The following CDH20 variants were observed in gnomAD, a reference collection of about 807,000 sequenced individuals.
CDH20 encodes cadherin-20.
Under a neutral mutation model 74.2 loss-of-function variants are expected in CDH20, and 29 were observed. The observed-to-expected ratio is 0.39, with a 90% CI of 0.29 to 0.53. The LOEUF is 0.53. Ranked by LOEUF, CDH20 falls within the 20% of genes least tolerant of loss-of-function variation. The pLI, the probability that CDH20 is intolerant of heterozygous loss-of-function variation, is 0.69. For missense variants in CDH20, 988 were observed against 1,048.3 expected, an observed-to-expected ratio of 0.94 and a Z score of 0.79; for synonymous variants, 469 against 405.4, an observed-to-expected ratio of 1.16 and a Z score of -1.88.
intron 1 of CDH20, among the ~76,000 whole-genome samples, chr18:61,392,121 C>T (rs1285763554): frequency 6.6e-6 from 1 of 152,090 alleles, no homozygotes; most frequent in Non-Finnish European, 1.5e-5. Context: ...CCTCCAGCCC[C>T]CTCTCTTGCC....
At chr18:61,489,076 C>G (rs1287869159) in intron 1 of CDH20, among the ~76,000 whole-genome samples, 2 of 152,252 alleles carry the variant, frequency 1.3e-5, no homozygotes, top group African/African-American at 4.8e-5. Flanking sequence ...GAGGCACAGC[C>G]TCCCATTCTG....
At chr18:61,392,787 T>TAAA (rs78892459) in intron 1 of CDH20, among the ~76,000 whole-genome samples, 30 of 132,404 alleles carry the variant, frequency 2.3e-4, no homozygotes, top group African/African-American at 8.1e-4. Flanking sequence ...ATTACTATGG[T>TAAA]AAAAAAAAAA....
At chr18:61,397,629 G>A (rs1187506845) in intron 1 of CDH20, among the ~76,000 whole-genome samples, 3 of 152,032 alleles carry the variant, frequency 2.0e-5, no homozygotes, top group Non-Finnish European at 4.4e-5. Flanking sequence ...TATTCCCTCT[G>A]GACTGTAAAT....
intron 10 of CDH20, among the ~76,000 whole-genome samples, chr18:61,546,594 A>G (rs56338259): frequency 0.015 from 2,226 of 152,154 alleles, 60 homozygotes; most frequent in African/African-American, 0.049. Context: ...CTGGGGAGGG[A>G]AAATAACACA....
At chr18:61,460,152 G>C (rs1909718755) in intron 1 of CDH20, among the ~76,000 whole-genome samples, 1 of 152,176 alleles carries the variant, frequency 6.6e-6, no homozygotes, top group African/African-American at 2.4e-5. Flanking sequence ...TGGCAGGCGG[G>C]AAGCAAGTTT....
At chr18:61,384,623 GATTTT>G (rs1286206716) in intron 1 of CDH20, among the ~76,000 whole-genome samples, 1 of 152,128 alleles carries the variant, frequency 6.6e-6, no homozygotes, top group African/African-American at 2.4e-5. Context: ...AGGAGATACT[GATTTT>G]ATTTCCTTAC....
In CDH20 at chr18:61,555,172, A is replaced by C; in HGVS notation, c.*477A>C. On this transcript the variant is annotated 3_prime_UTR_variant, in exon 12 of 12. Coordinates refer to ENST00000262717, the MANE Select transcript of CDH20 (RefSeq NM_031891.4). ...CAGAAACCAACCCACAAGAAAGAAC[A>C]AAAAACTTGTTACTCAGTGAAATTA... 1 of 990,058 alleles carries C rather than the reference A, an allele frequency of 1.0e-6. No individual in the cohort carries two copies. The allele number at this position is 990,058 out of a possible 1,614,324, so 61.3% of individuals were successfully genotyped here.
chr18:61,526,759 C>T lies in CDH20; in HGVS notation c.1018-1208C>T, dbSNP rs577653581. Among the ~76,000 whole-genome samples, 13 of 152,184 alleles carry T rather than the reference C, an allele frequency of 8.5e-5. No individual in the cohort carries two copies. In the East Asian group the frequency reaches 1.7e-3, roughly 20 times the overall value. On this transcript the variant is annotated intron_variant, in intron 6 of 11. Transcript: ENST00000262717. ...GAACAACCAAAAAAATTGTATTTTA[C>T]GCGATGGAATTTTATAGACAAAATT...
intron 1 of CDH20, among the ~76,000 whole-genome samples, chr18:61,469,569 A>G (rs1910090748): frequency 6.6e-6 from 1 of 152,190 alleles, no homozygotes; most frequent in Non-Finnish European, 1.5e-5. Context: ...CACAGGATAC[A>G]ACCTTGGTTG....
chr18:61,417,901 T>C (rs1041416049), intron 1 of CDH20, among the ~76,000 whole-genome samples: 5 of 152,192 alleles, frequency 3.3e-5, no homozygotes, highest in African/African-American at 1.2e-4. Flanking sequence ...TACGCTTGCA[T>C]CAAAATATCA....
chr18:61,458,151 C>T (rs1302119128), intron 1 of CDH20, among the ~76,000 whole-genome samples: 1 of 152,114 alleles, frequency 6.6e-6, no homozygotes, highest in African/African-American at 2.4e-5. Flanking sequence ...CATCTGGTTG[C>T]CTTCTCATTC....
chr18:61,417,963 T>A (rs1392686632), intron 1 of CDH20, among the ~76,000 whole-genome samples: 1 of 152,046 alleles, frequency 6.6e-6, no homozygotes, highest in Non-Finnish European at 1.5e-5. Context: ...TAACTAAAAA[T>A]TAAAAATCTA....
At chr18:61,455,814 A>G (rs1909553754) in intron 1 of CDH20, among the ~76,000 whole-genome samples, 1 of 152,260 alleles carries the variant, frequency 6.6e-6, no homozygotes, top group Non-Finnish European at 1.5e-5. Context: ...ATGATTTATC[A>G]TAAAGAGTGA....
chr18:61,387,241 C>T (rs1911629632), intron 1 of CDH20, among the ~76,000 whole-genome samples: 1 of 152,218 alleles, frequency 6.6e-6, no homozygotes, highest in African/African-American at 2.4e-5. Flanking sequence ...GCCTCTCAGA[C>T]TGCAGCTCTG....
intron 11 of CDH20, 55 bp from the exon 12 acceptor site, chr18:61,554,135 C>T: frequency 6.4e-7 from 1 of 1,564,422 alleles, no homozygotes; most frequent in Non-Finnish European, 8.7e-7. Flanking sequence ...TTCTAGTCAC[C>T]GCACACACAG....
chr18:61,411,606 A>G (rs370322532), intron 1 of CDH20, among the ~76,000 whole-genome samples: 25,809 of 62,296 alleles, frequency 0.41, 2,468 homozygotes, highest in Non-Finnish European at 0.43. Flanking sequence ...ATATATATAT[A>G]TATATATATA....
chr18:61,499,040 C>T, intron 2 of CDH20, 146 bp from the exon 3 acceptor site: 1 of 614,326 alleles, frequency 1.6e-6, no homozygotes, highest in East Asian at 2.8e-5. Context: ...CCAATGCATA[C>T]TAGTTCTTTG....
chr18:61,356,497 T>G (rs1435183151), intron 1 of CDH20, among the ~76,000 whole-genome samples: 1 of 152,208 alleles, frequency 6.6e-6, no homozygotes, highest in Non-Finnish European at 1.5e-5. Context: ...AATACTTATT[T>G]TCCTCTACCG....
chr18:61,355,542 A>T (rs986974930), intron 1 of CDH20, among the ~76,000 whole-genome samples: 2 of 152,190 alleles, frequency 1.3e-5, no homozygotes, highest in African/African-American at 4.8e-5. Flanking sequence ...AAGTGTCTAT[A>T]TGGAGGCAAA....
Sources: allele counts gnomAD v4.1 joint callset (sites outside exome capture counted in the v4.1 genomes callset), GRCh38; gene constraint gnomAD v4.1.1; transcripts MANE v1.5; gene names NCBI Gene and HGNC (gene_info 2026-07-23, HGNC 2026-07-21).